The following FREM3 variants were observed in gnomAD, a reference collection of about 807,000 sequenced individuals.
FREM3 encodes FRAS1-related extracellular matrix protein 3.
Under a neutral mutation model 129.1 loss-of-function variants are expected in FREM3, and 105 were observed. That is an observed-to-expected ratio of 0.81 (90% confidence interval 0.69 to 0.96). FREM3 has a LOEUF of 0.96. Ranked by LOEUF, FREM3 falls within the 40% of genes least tolerant of loss-of-function variation. The pLI is 0.00. For synonymous variants in FREM3, 1,014 were observed against 1,044.9 expected (o/e 0.97, Z 0.57); for missense variants, 2,593 against 2,666.3 (o/e 0.97, Z 0.61).
intron 2 of FREM3, among the ~76,000 whole-genome samples, chr4:143,663,146 TG>T (rs1203380813): frequency 6.6e-6 from 1 of 152,162 alleles, no homozygotes; most frequent in Non-Finnish European, 1.5e-5. Context: ...CTGGTTATTT[TG>T]CTCGTTAGTT....
At chr4:143,616,804 G>A (rs6833752) in intron 5 of FREM3, among the ~76,000 whole-genome samples, 52,348 of 142,318 alleles carry the variant, frequency 0.37, 10,363 homozygotes, top group Middle Eastern at 0.48. Context: ...AAAAAAAAAA[G>A]GAAGAAAGAA....
chr4:143,698,122 G>T lies in FREM3; in HGVS notation c.2554C>A (p.Leu852Met). ...TCTGTGTCTGGGTCTGTAACATGCA[G>T]CTCATTACTGCTGAGGTTAAAGCTG... Reference protein sequence around the residue: ...GGSFNLSSNELHVTDPDTDID... With the variant: ...GGSFNLSSNEMHVTDPDTDID... Residue 852 changes from leucine to methionine, a missense_variant, in exon 1 of 8, where the codon CTG (leucine) becomes ATG (methionine). Physicochemically the swap from Leu to Met is conservative, Grantham distance 15. Transcript: ENST00000329798. 6.5e-7 allele frequency: 1 copy of T among 1,537,436 alleles called. No homozygotes were observed.
chr4:143,676,095 G>T (rs1740114998), intron 2 of FREM3, among the ~76,000 whole-genome samples: 2 of 152,122 alleles, frequency 1.3e-5, no homozygotes, highest in African/African-American at 2.4e-5. Flanking sequence ...CAAAGAAAGA[G>T]AATTTTAGAC....
chr4:143,603,166 T>G (rs1220453891), intron 6 of FREM3, among the ~76,000 whole-genome samples: 1 of 152,178 alleles, frequency 6.6e-6, no homozygotes, highest in Non-Finnish European at 1.5e-5. Context: ...GCATCCTGTC[T>G]CTGTGCCCAC....
At chr4:143,593,657 C>T (rs185025585) in intron 6 of FREM3, among the ~76,000 whole-genome samples, 1 of 152,358 alleles carries the variant, frequency 6.6e-6, no homozygotes, top group African/African-American at 2.4e-5. Flanking sequence ...TGGGAGGTGC[C>T]TCCCAGTTAG....
At chr4:143,660,311 G>A (rs1167311178) in intron 2 of FREM3, among the ~76,000 whole-genome samples, 2 of 152,100 alleles carry the variant, frequency 1.3e-5, no homozygotes, top group Non-Finnish European at 2.9e-5. Flanking sequence ...TGGCTAGCCA[G>A]TTTTCCCAGC....
rs1740616082 is a variant in FREM3, at chr4:143,698,131, T to C, written c.2545A>G (p.Ser849Gly). The C allele has an allele frequency of 6.5e-7, 1 of 1,537,480 alleles. No individual in the cohort carries two copies. Among genetic ancestry groups the C allele is most frequent in the Non-Finnish European group, 8.7e-7 (1 of 1,146,952 alleles). The change falls in exon 1 of 8, where the codon AGT becomes GGT. Residue 849 changes from serine (S) to glycine (G), a missense_variant. By Grantham distance (56) the Ser-to-Gly change is moderately conservative. Coordinates refer to ENST00000329798, the MANE Select transcript of FREM3 (RefSeq NM_001168235.2). Reference sequence around the variant, plus strand: ...GGGTCTGTAACATGCAGCTCATTACTGCTGAGGTTAAAGCTGCCTCCCTCT... The same window carrying C: ...GGGTCTGTAACATGCAGCTCATTACCGCTGAGGTTAAAGCTGCCTCCCTCT... ...ILEGGSFNLSSNELHVTDPDT... is the reference protein window; with the variant it reads ...ILEGGSFNLSGNELHVTDPDT...
chr4:143,697,133 G>T lies in FREM3; in HGVS notation c.3543C>A (p.Phe1181Leu), dbSNP rs372621312. The T allele has an allele frequency of 9.8e-6, 15 of 1,537,754 alleles. No homozygotes were observed. In the African/African-American group the frequency reaches 2.1e-4, roughly 21 times the overall value. The change falls in exon 1 of 8, where the codon TTC becomes TTA. Residue 1181 changes from phenylalanine to leucine, a missense_variant. By Grantham distance (22) the Phe-to-Leu change is conservative. Coordinates refer to ENST00000329798, the MANE Select transcript of FREM3 (RefSeq NM_001168235.2). The part of the protein sequence containing the change: ...SDGINFSPNV[F>L]FPIIILPTND... ...TGGTGGGTAGGATGATTATAGGGAA[G>T]AAGACATTTGGGGAGAAGTTGATGC...
chr4:143,593,400 C>T (rs1738402948), intron 6 of FREM3, among the ~76,000 whole-genome samples: 1 of 152,198 alleles, frequency 6.6e-6, no homozygotes, highest in Non-Finnish European at 1.5e-5. Flanking sequence ...TGGTGACGTA[C>T]AGATGGGTTT....
At chr4:143,622,242 C>T (rs1034162604) in intron 4 of FREM3, among the ~76,000 whole-genome samples, 1 of 151,648 alleles carries the variant, frequency 6.6e-6, no homozygotes, top group Non-Finnish European at 1.5e-5. Flanking sequence ...TACAGGCATG[C>T]GCTACCAGGC....
chr4:143,595,664 G>A (rs1738460728), intron 6 of FREM3, among the ~76,000 whole-genome samples: 2 of 152,046 alleles, frequency 1.3e-5, no homozygotes, highest in South Asian at 2.1e-4. Context: ...AAGGTGGGCG[G>A]ATCACGAGGT....
intron 2 of FREM3, among the ~76,000 whole-genome samples, chr4:143,654,290 A>C (rs1460483279): frequency 6.6e-6 from 1 of 152,072 alleles, no homozygotes; most frequent in African/African-American, 2.4e-5. Context: ...TTTAGTAGGG[A>C]CAGGGTTTCA....
At chr4:143,616,431 T>G (rs1182952055) in intron 5 of FREM3, among the ~76,000 whole-genome samples, 1 of 152,108 alleles carries the variant, frequency 6.6e-6, no homozygotes, top group Non-Finnish European at 1.5e-5. Context: ...ACAGAGAATC[T>G]TTTTTAAAAG....
At position 143,672,301 on chromosome 4, in the gene FREM3, T is replaced by C. The variant is rs752756321; in HGVS notation, c.5275+20812A>G. Among the ~76,000 whole-genome samples, 251 of 152,242 alleles carry C rather than the reference T, an allele frequency of 1.6e-3. 1 individual carries two copies. The highest frequency in any genetic ancestry group is 1.8e-3 in the Admixed American group (28 of 15,286). ...TCAGTTTACTATTCAAGGAGTTTCT[T>C]GGAACATCGACCAGCAAGAGACTTT... On this transcript the variant is annotated intron_variant, in intron 2 of 7. Coordinates refer to ENST00000329798, the MANE Select transcript of FREM3 (RefSeq NM_001168235.2).
chr4:143,693,734 T>C (rs1740515201), intron 1 of FREM3, among the ~76,000 whole-genome samples: 1 of 152,208 alleles, frequency 6.6e-6, no homozygotes, highest in African/African-American at 2.4e-5. Context: ...AAAGAAAATA[T>C]ATTACATATA....
intron 2 of FREM3, among the ~76,000 whole-genome samples, chr4:143,633,767 T>C (rs1156622303): frequency 6.6e-6 from 1 of 152,216 alleles, no homozygotes; most frequent in Non-Finnish European, 1.5e-5. Context: ...TTTGCTCATT[T>C]ACACAATATA....
rs984735968 is a variant in FREM3, at chr4:143,700,225, T to G, written c.451A>C (p.Thr151Pro). Residue 151 changes from threonine to proline, a missense_variant, in exon 1 of 8, where the codon ACT becomes CCT. Around this residue, in one of 2 missense-constraint regions of FREM3, gnomAD observed 2,276 missense variants for 2,267.2 expected, o/e 1.00. Transcript: ENST00000329798. ...GCCAGCGTGAAGGGCAGCACCAGAG[T>G]GTGAGTCGGGGCGTCGTAGCGCAGC... Reference protein sequence around the residue: ...LQLRYDAPTHTLVLPFTLAVD... With the variant: ...LQLRYDAPTHPLVLPFTLAVD... 5 of 1,536,696 alleles carry G rather than the reference T, an allele frequency of 3.3e-6. No individual in the cohort carries two copies. Among genetic ancestry groups the G allele is most frequent in the Non-Finnish European group, 4.4e-6 (5 of 1,146,824 alleles).
In FREM3 at chr4:143,699,630, G is replaced by A; in HGVS notation, c.1046C>T (p.Ala349Val). The A allele has an allele frequency of 6.5e-7, 1 of 1,530,350 alleles. No homozygotes were observed. The allele number at this position is 1,530,350 out of a possible 1,614,324, so 94.8% of individuals were successfully genotyped here. Reference protein sequence around the residue: ...PGDLVFNILNAPTHPPGHPGQ... With the variant: ...PGDLVFNILNVPTHPPGHPGQ... ...CGGGTGCCCTGGTGGGTGAGTGGGG[G>A]CGTTCAGAATGTTGAACACCAGGTC... is the stretch of plus-strand genomic sequence containing the variant. Residue 349 changes from alanine to valine, a missense_variant, in exon 1 of 8, where the codon GCC (alanine) becomes GTC (valine). By Grantham distance (64) the Ala-to-Val change is moderately conservative. Transcript: ENST00000329798. This position sits in a 1 kb window ranked among gnomAD's most constrained non-coding sequence, Gnocchi z 4.2.
At chr4:143,627,526 C>A (rs777880403) in intron 3 of FREM3, 88 bp downstream of exon 3, 467 of 1,126,798 alleles carry the variant, frequency 4.1e-4, no homozygotes, top group Non-Finnish European at 5.5e-4. Flanking sequence ...TCTTTATTCT[C>A]TTTCAGTATA....
Sources: gnomAD v4.1 joint callset for allele counts (sites outside exome capture counted in the v4.1 genomes callset) on GRCh38, gnomAD v4.1.1 for gene constraint, gnomAD v4.1.1 regional missense constraint, Gnocchi (gnomAD v3.1) non-coding constraint, MANE v1.5 for transcripts, NCBI Gene and HGNC (gene_info 2026-07-23, HGNC 2026-07-21) for gene names.